Variants in CSMD3 observed in about 807,000 individuals in gnomAD.
CSMD3 encodes CUB and Sushi multiple domains 3.
In CSMD3, 177 loss-of-function variants were observed where a neutral mutation model predicts 435.2. The ratio of observed to expected loss-of-function variants is 0.41; its 90% CI spans 0.36 to 0.46. The LOEUF is 0.46. CSMD3 is among the 20% of genes least tolerant of loss of function. The pLI, the probability that CSMD3 is intolerant of heterozygous loss-of-function variation, is 0.34. For missense variants in CSMD3, 4,265 were observed against 4,504.6 expected, an observed-to-expected ratio of 0.95 and a Z score of 1.52; for synonymous variants, 1,656 against 1,520.5, an observed-to-expected ratio of 1.09 and a Z score of -2.07.
At chr8:112,327,613 T>C (rs1823627139) in intron 45 of CSMD3, among the ~76,000 whole-genome samples, 2 of 152,170 alleles carry the variant, frequency 1.3e-5, no homozygotes, top group African/African-American at 4.8e-5. Context: ...AAAATACACA[T>C]TGGAACTAAG....
chr8:113,425,184 T>C (rs2094629293), intron 1 of CSMD3, among the ~76,000 whole-genome samples: 1 of 151,530 alleles, frequency 6.6e-6, no homozygotes, highest in Non-Finnish European at 1.5e-5. Context: ...GATCACTGTA[T>C]CCTTCACAAC....
chr8:112,821,084 T>C (rs2132434210), intron 12 of CSMD3, among the ~76,000 whole-genome samples: 1 of 152,314 alleles, frequency 6.6e-6, no homozygotes, highest in Middle Eastern at 3.4e-3. Flanking sequence ...TCTGTGTCTT[T>C]GCTATTGCAA....
rs546763121 is a variant in CSMD3, at chr8:113,228,910, T to C, written c.514+49682A>G. 2.0e-5 allele frequency among the ~76,000 whole-genome samples: 3 copies of C among 151,710 alleles called. No homozygotes were observed. In the East Asian group the frequency reaches 5.8e-4, roughly 30 times the overall value. ...CATTTTCTTCCTACTCCATATAATT[T>C]AGTGCCCATCCATGCAAAAGTATAA... On this transcript the variant is annotated intron_variant, in intron 3 of 70. Coordinates refer to ENST00000297405, the MANE Select transcript of CSMD3 (RefSeq NM_198123.2).
At chr8:112,740,976 C>A (rs894643103) in intron 13 of CSMD3, among the ~76,000 whole-genome samples, 11 of 151,968 alleles carry the variant, frequency 7.2e-5, no homozygotes, top group African/African-American at 2.4e-4. Context: ...TCTCCTTATT[C>A]TTTTCTGACA....
intron 12 of CSMD3, among the ~76,000 whole-genome samples, chr8:112,808,121 C>T (rs886206910): frequency 6.6e-5 from 10 of 152,058 alleles, no homozygotes; most frequent in African/African-American, 2.4e-4. Flanking sequence ...GCAGTTTTCC[C>T]CAACCAGCTT....
At chr8:112,413,168 A>G (rs1811535213) in intron 32 of CSMD3, among the ~76,000 whole-genome samples, 1 of 152,134 alleles carries the variant, frequency 6.6e-6, no homozygotes, top group Non-Finnish European at 1.5e-5. Flanking sequence ...CTTTATCCCA[A>G]TTTTAAAGTA....
chr8:113,089,570 A>T (rs1471401206), intron 5 of CSMD3, among the ~76,000 whole-genome samples: 2 of 152,184 alleles, frequency 1.3e-5, no homozygotes, highest in Non-Finnish European at 2.9e-5. Flanking sequence ...TGCAAGAGAG[A>T]TAATAAAGGG....
intron 40 of CSMD3, among the ~76,000 whole-genome samples, chr8:112,348,676 C>T (rs1825880916): frequency 6.6e-6 from 1 of 152,090 alleles, no homozygotes. Flanking sequence ...GCAGGCAGAT[C>T]ACCTGAGGTC....
At chr8:113,422,994 C>T (rs1450859448) in intron 1 of CSMD3, among the ~76,000 whole-genome samples, 1 of 145,042 alleles carries the variant, frequency 6.9e-6, no homozygotes, top group Non-Finnish European at 1.5e-5. Flanking sequence ...GAACCCAAGT[C>T]TAAACAAAAA....
Position 112,908,502 on chromosome 8 carries a change from A to G in CSMD3, c.1633+13125T>C, listed in dbSNP as rs1014418061. ...CTAAATACACTCTCTGGCAATGTTC[A>G]CTATTGTCTTTCTTAGTTATTGTAA... On this transcript the variant is annotated intron_variant, in intron 10 of 70. Coordinates refer to ENST00000297405, the MANE Select transcript of CSMD3 (RefSeq NM_198123.2). Among the ~76,000 whole-genome samples, 6 of 151,620 alleles carry G rather than the reference A, an allele frequency of 4.0e-5. No homozygotes were observed. The East Asian group carries it at 1.2e-3, about 30-fold the overall frequency.
At chr8:113,324,372 C>G (rs2093969259) in intron 1 of CSMD3, among the ~76,000 whole-genome samples, 1 of 152,232 alleles carries the variant, frequency 6.6e-6, no homozygotes, top group Admixed American at 6.5e-5. Context: ...CTGTGTGCAG[C>G]CTACGGACTT....
intron 13 of CSMD3, among the ~76,000 whole-genome samples, chr8:112,755,729 T>C (rs764784618): frequency 2.0e-5 from 3 of 150,536 alleles, no homozygotes; most frequent in Non-Finnish European, 4.4e-5. Context: ...ACAACCAATA[T>C]GCTTTATATT....
At chr8:113,429,351 AT>A (rs1264296687) in intron 1 of CSMD3, among the ~76,000 whole-genome samples, 1 of 151,914 alleles carries the variant, frequency 6.6e-6, no homozygotes, top group Non-Finnish European at 1.5e-5. Flanking sequence ...AAAAAGAAAC[AT>A]TTCTCTAGAT....
intron 13 of CSMD3, among the ~76,000 whole-genome samples, chr8:112,748,650 T>G (rs2077495872): frequency 6.6e-6 from 1 of 152,222 alleles, no homozygotes; most frequent in Non-Finnish European, 1.5e-5. Flanking sequence ...GCTCCATCCA[T>G]GTTCACACAA....
intron 5 of CSMD3, among the ~76,000 whole-genome samples, chr8:113,071,003 T>C (rs1350690079): frequency 1.3e-5 from 2 of 152,058 alleles, no homozygotes; most frequent in South Asian, 2.1e-4. Flanking sequence ...CTTTATCTAA[T>C]AGCCATTCTA....
At chr8:112,953,906 A>G (rs1266287263) in intron 8 of CSMD3, among the ~76,000 whole-genome samples, 1 of 151,518 alleles carries the variant, frequency 6.6e-6, no homozygotes, top group Non-Finnish European at 1.5e-5. Flanking sequence ...TATATTAGCA[A>G]TGTTATTTTG....
At chr8:112,520,337 G>A (rs1305207430) in intron 27 of CSMD3, among the ~76,000 whole-genome samples, 1 of 151,998 alleles carries the variant, frequency 6.6e-6, no homozygotes, top group African/African-American at 2.4e-5. Context: ...TTTTAAATGG[G>A]TAAAATGAGA....
intron 13 of CSMD3, among the ~76,000 whole-genome samples, chr8:112,729,999 T>C (rs2077042488): frequency 1.3e-5 from 2 of 152,136 alleles, no homozygotes; most frequent in South Asian, 4.1e-4. Context: ...AAGTATTAAA[T>C]TAGCATTTGA....
chr8:113,349,525 T>C (rs958960006), intron 1 of CSMD3, among the ~76,000 whole-genome samples: 4 of 152,106 alleles, frequency 2.6e-5, no homozygotes, highest in Non-Finnish European at 4.4e-5. Context: ...CTCATACCTG[T>C]AAACTCAGCA....
Sources: allele counts gnomAD v4.1 joint callset (sites outside exome capture counted in the v4.1 genomes callset), GRCh38; gene constraint gnomAD v4.1.1; transcripts MANE v1.5; gene names NCBI Gene and HGNC (gene_info 2026-07-23, HGNC 2026-07-21).